The following KLHL32 variants were observed in gnomAD, a reference collection of about 807,000 sequenced individuals.
KLHL32 encodes the protein kelch-like protein 32.
In KLHL32, 35 loss-of-function variants were observed where a neutral mutation model predicts 64.8. That is an observed-to-expected ratio of 0.54 (90% confidence interval 0.41 to 0.72). The LOEUF (loss-of-function observed/expected upper bound fraction) is 0.72. Among genes scored for constraint, KLHL32 ranks in the 30% least tolerant of loss-of-function variants. KLHL32 has a pLI of 0.00. For missense variants in KLHL32, 589 were observed against 768.5 expected, an observed-to-expected ratio of 0.77 and a Z score of 2.76; for synonymous variants, 259 against 281.0, an observed-to-expected ratio of 0.92 and a Z score of 0.78.
In KLHL32 at chr6:96,953,791, A is replaced by G. The variant is rs1428439555; in HGVS notation, c.-65-13205A>G. Among the ~76,000 whole-genome samples, 9 of 92,114 alleles carry G rather than the reference A, an allele frequency of 9.8e-5. No individual in the cohort carries two copies. The East Asian group carries it at 2.4e-3, about 24-fold the overall frequency. 60.4% of individuals were successfully genotyped at this position (92,114 alleles called of 152,430 possible). A position where few individuals can be genotyped will look rare whatever the true frequency, so the allele number is the denominator to read the frequency against. On this transcript the variant is annotated intron_variant, in intron 1 of 10. Coordinates refer to ENST00000369261, the MANE Select transcript of KLHL32 (RefSeq NM_052904.4). ...GGTTATGACAATCTAAATGTTATTT[A>G]TATAATCAAACCATGATTACTTTTC...
intron 7 of KLHL32, among the ~76,000 whole-genome samples, chr6:97,123,122 T>TA (rs935423952): frequency 2.1e-4 from 32 of 149,934 alleles, no homozygotes; most frequent in African/African-American, 5.6e-4. Flanking sequence ...TTTTTGTCGT[T>TA]AAAAAAAAAA....
intron 4 of KLHL32, among the ~76,000 whole-genome samples, chr6:97,063,598 AAGT>A (rs1052133842): frequency 7.9e-5 from 12 of 152,166 alleles, no homozygotes; most frequent in African/African-American, 2.9e-4. Context: ...GAGCGTGCTG[AAGT>A]AGTAGAGTGG....
chr6:97,016,469 T>G (rs970173578), intron 3 of KLHL32, among the ~76,000 whole-genome samples: 3 of 152,240 alleles, frequency 2.0e-5, no homozygotes, highest in African/African-American at 7.2e-5. Flanking sequence ...GCTCCTTTAT[T>G]TTGGCCAATT....
chr6:97,078,820 C>T (rs1792013744), intron 5 of KLHL32, among the ~76,000 whole-genome samples: 1 of 152,190 alleles, frequency 6.6e-6, no homozygotes, highest in Non-Finnish European at 1.5e-5. Flanking sequence ...ACCCCACAAA[C>T]AGATATCATA....
intron 2 of KLHL32, among the ~76,000 whole-genome samples, chr6:96,974,305 T>G (rs1775465435): frequency 2.0e-5 from 3 of 152,224 alleles, no homozygotes; most frequent in African/African-American, 7.2e-5. Flanking sequence ...AAAGCTTTAC[T>G]TGGCTGATAC....
chr6:97,119,691 T>A (rs1417911318), intron 7 of KLHL32, among the ~76,000 whole-genome samples: 1 of 152,244 alleles, frequency 6.6e-6, no homozygotes, highest in Admixed American at 6.5e-5. Context: ...TTTTCTAAAC[T>A]TCATTCCCCG....
intron 3 of KLHL32, chr6:97,025,073 T>A (rs2128108049): frequency 1.0e-6 from 1 of 985,316 alleles, no homozygotes; most frequent in South Asian, 4.7e-5. Flanking sequence ...TTTTAAACTC[T>A]TAAAAATTAG....
the KLHL32 span, among the ~76,000 whole-genome samples, chr6:96,900,214 T>C: frequency 2.0e-5 from 3 of 152,188 alleles, no homozygotes; most frequent in South Asian, 4.1e-4. Context: ...GGGATAATAG[T>C]AATCACCTAA....
At chr6:97,120,080 CG>C (rs1798204089) in intron 7 of KLHL32, among the ~76,000 whole-genome samples, 1 of 152,024 alleles carries the variant, frequency 6.6e-6, no homozygotes, top group Non-Finnish European at 1.5e-5. Context: ...GGCTGGTAAA[CG>C]CTGAGAGCAT....
chr6:96,969,486 T>C (rs1368645530), intron 2 of KLHL32, among the ~76,000 whole-genome samples: 2 of 152,182 alleles, frequency 1.3e-5, no homozygotes, highest in Non-Finnish European at 2.9e-5. Context: ...TTTTGATGCA[T>C]TTGCTTGAGA....
At chr6:96,932,331 G>A (rs1770013328) in intron 1 of KLHL32, among the ~76,000 whole-genome samples, 1 of 148,106 alleles carries the variant, frequency 6.8e-6, no homozygotes, top group Non-Finnish European at 1.5e-5. Flanking sequence ...CTTTAGCTTT[G>A]GGCCAAAGCT....
At chr6:96,978,524 T>C (rs1382888491) in intron 3 of KLHL32, among the ~76,000 whole-genome samples, 2 of 152,196 alleles carry the variant, frequency 1.3e-5, no homozygotes, top group Non-Finnish European at 2.9e-5. Context: ...CATACCACAT[T>C]TTCTTTATCC....
chr6:96,989,112 A>G (rs1220918646), intron 3 of KLHL32, among the ~76,000 whole-genome samples: 1 of 152,218 alleles, frequency 6.6e-6, no homozygotes, highest in South Asian at 2.1e-4. Flanking sequence ...AATAAAAAAA[A>G]TATTGACATG....
chr6:97,017,206 C>G (rs1300892863), intron 3 of KLHL32, among the ~76,000 whole-genome samples: 1 of 152,222 alleles, frequency 6.6e-6, no homozygotes, highest in East Asian at 1.9e-4. Context: ...CTGGACACAT[C>G]TGGATGAGTT....
chr6:97,030,545 A>G (rs532984045), intron 3 of KLHL32, among the ~76,000 whole-genome samples: 69 of 152,336 alleles, frequency 4.5e-4, no homozygotes, highest in Non-Finnish European at 9.3e-4. Flanking sequence ...ATGACTGTAA[A>G]TCTCAGCCTG....
the KLHL32 span, among the ~76,000 whole-genome samples, chr6:96,919,230 T>G: frequency 6.6e-6 from 1 of 152,230 alleles, no homozygotes; most frequent in African/African-American, 2.4e-5. Context: ...AAGTATCTTC[T>G]TCACTTTATT....
rs1210179056 is a variant in KLHL32, at chr6:97,073,013, A to G, written c.411+8287A>G. 2.0e-5 allele frequency among the ~76,000 whole-genome samples: 3 copies of G among 152,340 alleles called. No individual in the cohort carries two copies. In the East Asian group the frequency reaches 5.8e-4, roughly 29 times the overall value. The stretch of plus-strand genomic sequence containing the variant: ...TAGGGATGTTGAAGGATTCAATGAG[A>G]TAGTGCATGCAAAGTATCTTACAAA... On this transcript the variant is annotated intron_variant, in intron 5 of 10. Transcript: ENST00000369261.
At chr6:97,027,074 A>G (rs1393301499) in intron 3 of KLHL32, among the ~76,000 whole-genome samples, 1 of 151,734 alleles carries the variant, frequency 6.6e-6, no homozygotes, top group African/African-American at 2.4e-5. Context: ...AGGCAGGAGA[A>G]TCACTTGAAC....
At chr6:96,977,463 T>C (rs1293913957) in intron 3 of KLHL32, among the ~76,000 whole-genome samples, 1 of 142,764 alleles carries the variant, frequency 7.0e-6, no homozygotes, top group Non-Finnish European at 1.5e-5. Context: ...TCAATGCCTA[T>C]TTAATTTTCT....
Sources: gnomAD v4.1 joint callset for allele counts (sites outside exome capture counted in the v4.1 genomes callset) on GRCh38, gnomAD v4.1.1 for gene constraint, MANE v1.5 for transcripts, NCBI Gene and HGNC (gene_info 2026-07-23, HGNC 2026-07-21) for gene names.